ALK: variants seen among roughly 807,000 people sequenced by gnomAD.
The protein encoded by ALK is ALK tyrosine kinase receptor.
In ALK, 74 loss-of-function variants were observed where a neutral mutation model predicts 163.1. The ratio of observed to expected loss-of-function variants is 0.45; its 90% CI spans 0.38 to 0.55. The LOEUF is 0.55. ALK is among the 20% of genes least tolerant of loss of function. The probability of loss-of-function intolerance (pLI) is 0.00; values close to 1 mark genes in which losing one functional copy is unlikely to be tolerated. For missense variants in ALK, 2,063 were observed against 2,105.3 expected (o/e 0.98, Z 0.39); for synonymous variants, 960 against 843.2 (o/e 1.14, Z -2.40).
chr2:29,715,869 G>A (rs1679235293), intron 2 of ALK, among the ~76,000 whole-genome samples: 1 of 152,204 alleles, frequency 6.6e-6, no homozygotes, highest in African/African-American at 2.4e-5. Context: ...GGAATCTCCT[G>A]ACGACCACTG....
At chr2:29,392,541 C>T (rs1157857246) in intron 4 of ALK, among the ~76,000 whole-genome samples, 1 of 152,166 alleles carries the variant, frequency 6.6e-6, no homozygotes, top group African/African-American at 2.4e-5. Context: ...TCGACCTCTG[C>T]ATCTTCAGAA....
At chr2:29,588,226 T>TTTTTTA (rs561261519) in intron 3 of ALK, among the ~76,000 whole-genome samples, 1 of 151,728 alleles carries the variant, frequency 6.6e-6, no homozygotes, top group Non-Finnish European at 1.5e-5. Flanking sequence ...GAGAGAAAAA[T>TTTTTTA]TTTTTATTTT....
intron 26 of ALK, among the ~76,000 whole-genome samples, chr2:29,205,778 C>G (rs1669294815): frequency 6.6e-6 from 1 of 152,090 alleles, no homozygotes; most frequent in Non-Finnish European, 1.5e-5. Context: ...ACTCTAGTAT[C>G]CTCAACTTCA....
In ALK at chr2:29,708,553, A is replaced by C. The variant is rs371165049; in HGVS notation, c.787+9025T>G. 3.3e-5 allele frequency among the ~76,000 whole-genome samples: 5 copies of C among 152,182 alleles called. No homozygotes were observed. In the East Asian group the frequency reaches 9.6e-4, roughly 29 times the overall value. ...TACACCAGGAAGGCCCTGACCCCAC[A>C]CTGAGGCAATCTGTGGGGCAGCAAA... On this transcript the variant is annotated intron_variant, in intron 2 of 28. Transcript: ENST00000389048.
intron 5 of ALK, among the ~76,000 whole-genome samples, chr2:29,370,764 C>T (rs1668619536): frequency 6.6e-6 from 1 of 152,204 alleles, no homozygotes; most frequent in African/African-American, 2.4e-5. Context: ...AGCCCGTGCC[C>T]ACCTTCTGGC....
At chr2:29,218,396 G>T (rs1669696371) in intron 23 of ALK, among the ~76,000 whole-genome samples, 1 of 152,168 alleles carries the variant, frequency 6.6e-6, no homozygotes, top group South Asian at 2.1e-4. Flanking sequence ...TAGAACTTGG[G>T]GACAGGCTCC....
rs143423867 is a variant in ALK, at chr2:29,562,624, T to G, written c.953-30508A>C. On this transcript the variant is annotated intron_variant, in intron 3 of 28. Coordinates refer to ENST00000389048, the MANE Select transcript of ALK (RefSeq NM_004304.5). ...AGCAGAACAATTGGAAAGAAGAGAGTGAAGAAGGGGGAAAAAAAATCTGAA... is the reference window on the plus strand; with the variant it reads ...AGCAGAACAATTGGAAAGAAGAGAGGGAAGAAGGGGGAAAAAAAATCTGAA... 4.3e-3 allele frequency among the ~76,000 whole-genome samples: 647 copies of G among 151,896 alleles called. 6 individuals are homozygous for G. Among genetic ancestry groups the G allele is most frequent in the African/African-American group, 0.014 (583 of 41,414 alleles).
chr2:29,661,967 C>T lies in ALK; in HGVS notation c.952+32883G>A, dbSNP rs569223176. On this transcript the variant is annotated intron_variant, in intron 3 of 28. Coordinates refer to ENST00000389048, the MANE Select transcript of ALK (RefSeq NM_004304.5). ...ACTCTGTCGCTGGAATGCAGGGCAG[C>T]GGTGTCATCTCAGCTCACTGAAACC... is the stretch of plus-strand genomic sequence containing the variant. 2.2e-4 allele frequency among the ~76,000 whole-genome samples: 33 copies of T among 152,170 alleles called. 1 individual carries two copies. The South Asian group carries it at 5.6e-3, about 26-fold the overall frequency.
chr2:29,303,504 C>G (rs906607170), intron 8 of ALK, among the ~76,000 whole-genome samples: 3 of 152,190 alleles, frequency 2.0e-5, no homozygotes, highest in Non-Finnish European at 4.4e-5. Flanking sequence ...AACAGAACTA[C>G]CATTCAACTC....
rs1667971718 is a variant in ALK, at chr2:29,920,624, CAGCGGCAGG to C, written c.27_35del (p.Pro11_Leu13del). 2 of 1,544,476 alleles carry C rather than the reference CAGCGGCAGG, an allele frequency of 1.3e-6. No homozygotes were observed. The highest frequency in any genetic ancestry group is 2.7e-5 in the African/African-American group (2 of 73,358). On this transcript the variant is annotated inframe_deletion, in exon 1 of 29. Transcript: ENST00000389048. ...AGCCCACAGCTGCCGTGGAAAGCAG[CAGCGGCAGG>C]AGCCACAGGAGCCCGATGGCTCCCA...
At chr2:29,888,264 A>ATTTTTTTTTTTTTTTTTT (rs1401782243) in intron 1 of ALK, among the ~76,000 whole-genome samples, 1 of 142,288 alleles carries the variant, frequency 7.0e-6, no homozygotes, top group African/African-American at 2.7e-5. Flanking sequence ...TTTTTTTTAA[A>ATTTTTTTTTTTTTTTTTT]AAAAGGGAAA....
At position 29,575,413 on chromosome 2, in the gene ALK, A is replaced by T. The variant is rs181263613; in HGVS notation, c.953-43297T>A. 4.3e-4 allele frequency among the ~76,000 whole-genome samples: 65 copies of T among 152,184 alleles called. 1 individual carries two copies. The Middle Eastern group carries it at 0.01, about 24-fold the overall frequency. On this transcript the variant is annotated intron_variant, in intron 3 of 28. Transcript: ENST00000389048. ...TGCAGCTGAGGCAGGAGACCAATTG[A>T]TAGGCTTCCTACCCCCACTGCAACC...
At chr2:29,206,526 C>G (rs151067011) in intron 26 of ALK, among the ~76,000 whole-genome samples, 81 of 152,214 alleles carry the variant, frequency 5.3e-4, no homozygotes, top group African/African-American at 1.9e-3. Flanking sequence ...CCAGCTTCAG[C>G]CTCCCAAAGT....
chr2:29,710,260 T>G (rs144134895), intron 2 of ALK, among the ~76,000 whole-genome samples: 1 of 152,306 alleles, frequency 6.6e-6, no homozygotes, highest in East Asian at 1.9e-4. Context: ...CATGTGGAAC[T>G]GTGAGTCAAT....
chr2:29,230,401 C>T (rs527919208), intron 15 of ALK, among the ~76,000 whole-genome samples: 4 of 151,810 alleles, frequency 2.6e-5, no homozygotes, highest in Non-Finnish European at 5.9e-5. Context: ...ACCCTTTCTG[C>T]TGCAGCAGAT....
In ALK at chr2:29,196,777, CAGT is replaced by C; in HGVS notation, c.4154_4156del (p.Tyr1385del). 6.2e-7 allele frequency: 1 copy of C among 1,612,524 alleles called. No homozygotes were observed. On this transcript the variant is annotated inframe_deletion, in exon 28 of 29. Transcript: ENST00000389048. ...AGGGAGAAAATGTTTTACCTGGGTG[CAGT>C]ATTCAATCCTCTCCAAAATGATGGC...
rs553637540 is a variant in ALK, at chr2:29,222,266, A to C, written c.3515+78T>G. The C allele has an allele frequency of 8.3e-5, 108 of 1,304,040 alleles. No homozygotes were observed. In the Middle Eastern group the frequency reaches 9.2e-4, roughly 11 times the overall value. The allele number at this position is 1,304,040 out of a possible 1,614,324, so 80.8% of individuals were successfully genotyped here. A position where few individuals can be genotyped will look rare whatever the true frequency, so the allele number is the denominator to read the frequency against. On this transcript the variant is annotated intron_variant, in intron 22 of 28. Transcript: ENST00000389048. ...GGACAACACGATTTCCCTTGGAGAT[A>C]TCGATCTGTTAGAAACCTCTCCAGG...
At chr2:29,359,831 C>G (rs945090413) in intron 5 of ALK, among the ~76,000 whole-genome samples, 3 of 152,208 alleles carry the variant, frequency 2.0e-5, no homozygotes, top group Non-Finnish European at 4.4e-5. Context: ...TTCCACCTAA[C>G]ACAGTTAAGC....
intron 4 of ALK, among the ~76,000 whole-genome samples, chr2:29,432,600 T>C (rs1285527537): frequency 1.3e-5 from 2 of 152,206 alleles, no homozygotes; most frequent in Non-Finnish European, 1.5e-5. Context: ...TTGGTCAGTC[T>C]CCACATTGTC....
Sources: allele counts gnomAD v4.1 joint callset (sites outside exome capture counted in the v4.1 genomes callset), GRCh38; gene constraint gnomAD v4.1.1; transcripts MANE v1.5; gene names NCBI Gene and HGNC (gene_info 2026-07-23, HGNC 2026-07-21).